Variants in LTBP2 observed in about 807,000 individuals in gnomAD.
LTBP2 encodes latent transforming growth factor beta binding protein 2.
A neutral mutation model predicts 210.6 loss-of-function variants in LTBP2; 103 were observed. The observed-to-expected ratio is 0.49, with a 90% CI of 0.42 to 0.58. The LOEUF is 0.58. LTBP2 is among the 20% of genes least tolerant of loss of function. LTBP2 has a pLI of 0.00. For synonymous variants in LTBP2, 1,007 were observed against 1,015.0 expected, an observed-to-expected ratio of 0.99 and a Z score of 0.15; for missense variants, 2,313 against 2,494.5, an observed-to-expected ratio of 0.93 and a Z score of 1.55.
Position 74,527,260 on chromosome 14 carries a change from AT to A in LTBP2, c.2388+86del. ...CCATCTTTCTCCCTCTCCCTCCCTC[AT>A]GAGACACTGCCCTGGGGCCTGAGCT... On this transcript the variant is annotated intron_variant, in intron 13 of 35. Coordinates refer to ENST00000261978, the MANE Select transcript of LTBP2 (RefSeq NM_000428.3). 3 of 1,493,892 alleles carry A rather than the reference AT, an allele frequency of 2.0e-6. No individual in the cohort carries two copies. In the Admixed American group the frequency reaches 5.6e-5, roughly 28 times the overall value. 92.5% of individuals were successfully genotyped at this position (1,493,892 alleles called of 1,614,324 possible).
intron 13 of LTBP2, among the ~76,000 whole-genome samples, chr14:74,527,116 T>A (rs914704232): frequency 6.6e-6 from 1 of 152,242 alleles, no homozygotes; most frequent in Admixed American, 6.5e-5. Context: ...GGGAAAATGC[T>A]TGCACAATGG....
chr14:74,572,710 C>T (rs1460626574), intron 3 of LTBP2, among the ~76,000 whole-genome samples: 1 of 152,092 alleles, frequency 6.6e-6, no homozygotes, highest in East Asian at 1.9e-4. Context: ...ACTTTTGAGA[C>T]ATGTTCTCTC....
chr14:74,605,716 G>A (rs1436641268), intron 1 of LTBP2, among the ~76,000 whole-genome samples: 1 of 152,206 alleles, frequency 6.6e-6, no homozygotes. Flanking sequence ...AGCCCAAGGA[G>A]GCCCCCTGAG....
intron 13 of LTBP2, among the ~76,000 whole-genome samples, chr14:74,526,843 A>C (rs1322248228): frequency 6.6e-6 from 1 of 152,144 alleles, no homozygotes; most frequent in Non-Finnish European, 1.5e-5. Context: ...TCCCAGGGGA[A>C]TCTTGGGCAC....
At chr14:74,552,756 G>T in intron 5 of LTBP2, 136 bp downstream of exon 5, 1 of 1,128,526 alleles carries the variant, frequency 8.9e-7, no homozygotes, top group South Asian at 1.4e-5. Context: ...TGAGGACTCA[G>T]CTCCCCATGT....
chr14:74,549,408 G>A (rs1188217727), intron 8 of LTBP2, among the ~76,000 whole-genome samples: 1 of 152,220 alleles, frequency 6.6e-6, no homozygotes, highest in Non-Finnish European at 1.5e-5. Context: ...CAAGGATGAG[G>A]ACATCTAGGA....
chr14:74,582,683 A>G (rs2088153248), intron 3 of LTBP2, among the ~76,000 whole-genome samples: 1 of 152,132 alleles, frequency 6.6e-6, no homozygotes, highest in Non-Finnish European at 1.5e-5. Flanking sequence ...CCAGAATTAG[A>G]ATGCACCAAA....
chr14:74,516,712 A>G, intron 18 of LTBP2, 110 bp downstream of exon 18: 1 of 1,431,192 alleles, frequency 7.0e-7, no homozygotes, highest in Non-Finnish European at 9.6e-7. Flanking sequence ...CTCAGCATCA[A>G]GGGGCCAGGG....
chr14:74,560,790 T>C (rs893193090), intron 3 of LTBP2, among the ~76,000 whole-genome samples: 5 of 152,174 alleles, frequency 3.3e-5, no homozygotes, highest in African/African-American at 9.7e-5. Flanking sequence ...AAAAATTATA[T>C]AGTATGACAA....
intron 14 of LTBP2, among the ~76,000 whole-genome samples, 189 bp downstream of exon 14, chr14:74,525,886 C>T (rs756962524): frequency 2.0e-5 from 3 of 152,208 alleles, no homozygotes; most frequent in Admixed American, 6.5e-5. Context: ...TGGGGTCTCT[C>T]GCTGACTTCA....
At chr14:74,553,661 T>A (rs1028100476) in intron 4 of LTBP2, among the ~76,000 whole-genome samples, 1 of 152,156 alleles carries the variant, frequency 6.6e-6, no homozygotes, top group African/African-American at 2.4e-5. Flanking sequence ...GACATCATGC[T>A]GGCTTTGATG....
Position 74,586,256 on chromosome 14 carries a change from G to A in LTBP2, c.566-138C>T. 2 of 949,200 alleles carry A rather than the reference G, an allele frequency of 2.1e-6. No individual in the cohort carries two copies. Among genetic ancestry groups the A allele is most frequent in the Non-Finnish European group, 3.1e-6 (2 of 640,648 alleles). The allele number at this position is 949,200 out of a possible 1,614,324, so 58.8% of individuals were successfully genotyped here. A position where few individuals can be genotyped will look rare whatever the true frequency, so the allele number is the denominator to read the frequency against. On this transcript the variant is annotated intron_variant, in intron 2 of 35. Coordinates refer to ENST00000261978, the MANE Select transcript of LTBP2 (RefSeq NM_000428.3). This position sits in a 1 kb window ranked among gnomAD's most constrained non-coding sequence, Gnocchi z 4.6. ...GCAGGAAGCCACTCTCCTGGCCTCA[G>A]GGGGCTCCCTGACCCATGTCTCTCC...
rs928980551 is a variant in LTBP2, at chr14:74,537,233, A to G, written c.1790-1233T>C. 2.0e-5 allele frequency among the ~76,000 whole-genome samples: 3 copies of G among 151,926 alleles called. No individual in the cohort carries two copies. In the East Asian group the frequency reaches 5.8e-4, roughly 29 times the overall value. On this transcript the variant is annotated intron_variant, in intron 8 of 35. Coordinates refer to ENST00000261978, the MANE Select transcript of LTBP2 (RefSeq NM_000428.3). ...AATCTCCATTACTTTGGAGGAACAG[A>G]CTAGTGTGCCAACCCTCTTGAAAAG...
chr14:74,589,654 A>C (rs1595295739), intron 2 of LTBP2, among the ~76,000 whole-genome samples: 1 of 151,932 alleles, frequency 6.6e-6, no homozygotes, highest in Non-Finnish European at 1.5e-5. Flanking sequence ...CTTAGTCCCC[A>C]CCTGACCACC....
At chr14:74,587,504 C>G (rs1372538409) in intron 2 of LTBP2, among the ~76,000 whole-genome samples, 2 of 151,366 alleles carry the variant, frequency 1.3e-5, no homozygotes, top group African/African-American at 4.9e-5. Context: ...GAAGCGAACC[C>G]CCAAAGACCT....
chr14:74,526,250 T>G, intron 13 of LTBP2, 136 bp from the exon 14 acceptor site: 1 of 859,726 alleles, frequency 1.2e-6, no homozygotes, highest in Non-Finnish European at 1.9e-6. Context: ...CAGGTATTGA[T>G]GAGTTCTTAC....
At position 74,514,691 on chromosome 14, in the gene LTBP2, C is replaced by T. The variant is rs552096306; in HGVS notation, c.2908+2131G>A. Among the ~76,000 whole-genome samples the T allele has an allele frequency of 1.1e-4, 17 of 152,256 alleles. No individual in the cohort carries two copies. The East Asian group carries it at 3.3e-3, about 29-fold the overall frequency. On this transcript the variant is annotated intron_variant, in intron 18 of 35. Transcript: ENST00000261978. ...TCCGTGGGAACCTGGAGTCCCGGTACGACGGAAATGCCGTTGAGACTGCTG... is the reference window on the plus strand; with the variant it reads ...TCCGTGGGAACCTGGAGTCCCGGTATGACGGAAATGCCGTTGAGACTGCTG...
At chr14:74,598,333 G>A (rs1368617615) in intron 2 of LTBP2, among the ~76,000 whole-genome samples, 1 of 152,198 alleles carries the variant, frequency 6.6e-6, no homozygotes, top group Admixed American at 6.5e-5. Flanking sequence ...CGTGATACAC[G>A]CAGAGAAATG....
At chr14:74,532,599 G>T in intron 9 of LTBP2, 51 bp from the exon 10 acceptor site, 1 of 1,605,706 alleles carries the variant, frequency 6.2e-7, no homozygotes, top group Non-Finnish European at 8.5e-7. Context: ...AGGCCTGATG[G>T]AGCAGAGGGG....
Sources: allele counts gnomAD v4.1 joint callset (sites outside exome capture counted in the v4.1 genomes callset), GRCh38; gene constraint gnomAD v4.1.1; non-coding constraint Gnocchi (gnomAD v3.1); transcripts MANE v1.5; gene names NCBI Gene and HGNC (gene_info 2026-07-23, HGNC 2026-07-21).